The following NTM variants were observed in gnomAD, a reference collection of about 807,000 sequenced individuals.
NTM encodes IgLON family member 2.
In NTM, 13 loss-of-function variants were observed where a neutral mutation model predicts 42.1. That is an observed-to-expected ratio of 0.31 (90% CI 0.20 to 0.49). The LOEUF (loss-of-function observed/expected upper bound fraction) is 0.49. Among genes scored for constraint, NTM ranks in the 20% least tolerant of loss-of-function variants. The pLI is 0.99. For missense variants in NTM, 373 were observed against 452.8 expected (o/e 0.82, Z 1.60); for synonymous variants, 187 against 179.2 (o/e 1.04, Z -0.35).
At chr11:131,931,533 C>T (rs866822551) in intron 2 of NTM, among the ~76,000 whole-genome samples, 2 of 151,164 alleles carry the variant, frequency 1.3e-5, no homozygotes, top group Non-Finnish European at 2.9e-5. Flanking sequence ...TGACCACACA[C>T]TGATTTGTTT....
intron 1 of NTM, among the ~76,000 whole-genome samples, chr11:131,673,594 G>A (rs1430449963): frequency 6.6e-6 from 1 of 152,204 alleles, no homozygotes; most frequent in Non-Finnish European, 1.5e-5. Flanking sequence ...GTTAGCGGGT[G>A]ATGCTTGCTG....
intron 1 of NTM, among the ~76,000 whole-genome samples, chr11:131,448,355 G>T (rs867579252): frequency 1.3e-5 from 2 of 152,208 alleles, no homozygotes; most frequent in East Asian, 1.9e-4. Context: ...TCCCCAGGGG[G>T]TTCACTGTCC....
chr11:131,639,827 G>A (rs2064900547), intron 1 of NTM, among the ~76,000 whole-genome samples: 1 of 151,962 alleles, frequency 6.6e-6, no homozygotes, highest in Non-Finnish European at 1.5e-5. Flanking sequence ...GTGGTGGCGG[G>A]CGCCTGTAGT....
intron 1 of NTM, among the ~76,000 whole-genome samples, chr11:131,785,386 C>T (rs1257053402): frequency 3.9e-5 from 6 of 152,146 alleles, no homozygotes; most frequent in Non-Finnish European, 8.8e-5. Context: ...AAAAATAGAT[C>T]AGATAGAGTC....
At chr11:132,318,631 G>A (rs2095490127) in intron 7 of NTM, among the ~76,000 whole-genome samples, 1 of 152,174 alleles carries the variant, frequency 6.6e-6, no homozygotes, top group Admixed American at 6.5e-5. Flanking sequence ...AGCAAGCAGT[G>A]GAATAAAATG....
chr11:131,604,509 A>G (rs1187697965), intron 1 of NTM, among the ~76,000 whole-genome samples: 1 of 152,126 alleles, frequency 6.6e-6, no homozygotes, highest in Non-Finnish European at 1.5e-5. Context: ...CTTTTGAATC[A>G]TAAAAGTTTT....
At chr11:132,184,608 C>T (rs1203122177) in intron 3 of NTM, among the ~76,000 whole-genome samples, 1 of 152,126 alleles carries the variant, frequency 6.6e-6, no homozygotes, top group Non-Finnish European at 1.5e-5. Context: ...TCACCTGAAG[C>T]CTGGCTCTTC....
intron 3 of NTM, among the ~76,000 whole-genome samples, chr11:132,155,290 A>G (rs1453455851): frequency 6.6e-6 from 1 of 152,214 alleles, no homozygotes; most frequent in Non-Finnish European, 1.5e-5. Context: ...TTTGTGTCCC[A>G]TAATTCGATT....
chr11:131,388,903 T>G (rs562902051), intron 1 of NTM, among the ~76,000 whole-genome samples: 16 of 150,500 alleles, frequency 1.1e-4, no homozygotes, highest in Non-Finnish European at 2.2e-4. Context: ...TCCCAGCTAA[T>G]TGGGAGGCTG....
chr11:131,371,005 G>C, intron 1 of NTM, 117 bp downstream of exon 1: 1 of 1,520,900 alleles, frequency 6.6e-7, no homozygotes, highest in Non-Finnish European at 8.8e-7. Context: ...GGAGGAGAGA[G>C]CGTTTAGACA....
At chr11:131,550,165 A>G (rs1180680915) in intron 1 of NTM, among the ~76,000 whole-genome samples, 1 of 152,264 alleles carries the variant, frequency 6.6e-6, no homozygotes, top group African/African-American at 2.4e-5. Flanking sequence ...ACTATGTGCC[A>G]AGCACAGTTC....
chr11:132,198,534 C>G (rs150176259), intron 3 of NTM, among the ~76,000 whole-genome samples: 177 of 152,200 alleles, frequency 1.2e-3, no homozygotes, highest in African/African-American at 3.9e-3. Flanking sequence ...AAACTGTATA[C>G]TTAAAAGTGG....
At chr11:132,329,730 C>T (rs1347826421) in intron 7 of NTM, among the ~76,000 whole-genome samples, 7 of 152,226 alleles carry the variant, frequency 4.6e-5, no homozygotes, top group Non-Finnish European at 4.4e-5. Flanking sequence ...CAACTTTATA[C>T]GTAAGACCTA....
chr11:132,291,287 G>T (rs2094443691), intron 4 of NTM, among the ~76,000 whole-genome samples: 1 of 152,124 alleles, frequency 6.6e-6, no homozygotes, highest in Non-Finnish European at 1.5e-5. Flanking sequence ...AATAAGACTT[G>T]GTGATGGATT....
intron 1 of NTM, among the ~76,000 whole-genome samples, chr11:131,693,511 G>A (rs2075049044): frequency 6.6e-6 from 1 of 152,184 alleles, no homozygotes; most frequent in Admixed American, 6.5e-5. Context: ...GGAGACTCAG[G>A]CCCCGTGCCT....
chr11:132,009,644 C>A (rs976290776), intron 2 of NTM, among the ~76,000 whole-genome samples: 2 of 152,206 alleles, frequency 1.3e-5, no homozygotes, highest in South Asian at 4.1e-4. Flanking sequence ...CTCTGTTTTG[C>A]ACGCCACACT....
chr11:131,671,609 T>A (rs2070261485), intron 1 of NTM: 4 of 985,202 alleles, frequency 4.1e-6, no homozygotes, highest in Non-Finnish European at 4.8e-6. Flanking sequence ...ATCTGCGACT[T>A]GGCAGAGGTG....
intron 1 of NTM, among the ~76,000 whole-genome samples, chr11:131,509,345 G>A (rs998898975): frequency 6.6e-6 from 1 of 152,170 alleles, no homozygotes; most frequent in African/African-American, 2.4e-5. Flanking sequence ...CCTTTACTCT[G>A]TCGGTGTCCA....
intron 1 of NTM, among the ~76,000 whole-genome samples, chr11:131,417,868 A>G (rs1482639458): frequency 1.3e-5 from 2 of 152,220 alleles, no homozygotes; most frequent in African/African-American, 2.4e-5. Context: ...TGTCTCACCT[A>G]GAAGTCCCTT....
Sources: allele counts gnomAD v4.1 joint callset (sites outside exome capture counted in the v4.1 genomes callset), GRCh38; gene constraint gnomAD v4.1.1; transcripts MANE v1.5; gene names NCBI Gene and HGNC (gene_info 2026-07-23, HGNC 2026-07-21).